The following PDIA5 variants were observed in gnomAD, a reference collection of about 807,000 sequenced individuals.
PDIA5 encodes protein disulfide-isomerase A5.
In PDIA5, 58 loss-of-function variants were observed where a neutral mutation model predicts 77.6. The observed-to-expected ratio is 0.75, with a 90% CI of 0.61 to 0.93. The LOEUF is 0.93. Among genes scored for constraint, PDIA5 ranks in the 40% least tolerant of loss-of-function variants. The probability of loss-of-function intolerance (pLI) is 0.00; values close to 1 mark genes in which losing one functional copy is unlikely to be tolerated. For synonymous variants in PDIA5, 250 were observed against 252.1 expected (o/e 0.99, Z 0.08); for missense variants, 630 against 647.7 (o/e 0.97, Z 0.30).
Position 123,161,994 on chromosome 3 carries a change from G to A in PDIA5, c.*34G>A. On this transcript the variant is annotated 3_prime_UTR_variant, in exon 17 of 17. Transcript: ENST00000316218. ...TCAGAAAAAGCTTTTCCATTACACT[G>A]TGAATGATACCTGTTTTGTTGTTTC... 8.4e-7 allele frequency: 1 copy of A among 1,191,428 alleles called. No individual in the cohort carries two copies. Among genetic ancestry groups the A allele is most frequent in the Non-Finnish European group, 1.2e-6 (1 of 803,036 alleles). The allele number at this position is 1,191,428 out of a possible 1,614,324, so 73.8% of individuals were successfully genotyped here.
At chr3:123,113,159 G>C (rs913934644) in intron 7 of PDIA5, among the ~76,000 whole-genome samples, 3 of 152,162 alleles carry the variant, frequency 2.0e-5, no homozygotes, top group Admixed American at 6.5e-5. Context: ...GCCTCCTTTG[G>C]TATATCTTAA....
chr3:123,090,642 T>G (rs1393107109), intron 2 of PDIA5, among the ~76,000 whole-genome samples: 1 of 152,138 alleles, frequency 6.6e-6, no homozygotes, highest in Admixed American at 6.5e-5. Flanking sequence ...AAGAGAGTAT[T>G]GATTCTGCAA....
intron 6 of PDIA5, among the ~76,000 whole-genome samples, chr3:123,110,681 G>A (rs923555222): frequency 2.0e-5 from 3 of 152,298 alleles, no homozygotes; most frequent in South Asian, 2.1e-4. Flanking sequence ...CCATTTGTTA[G>A]CTTGGGGCCT....
intron 2 of PDIA5, among the ~76,000 whole-genome samples, chr3:123,091,140 G>A (rs1003810114): frequency 2.6e-5 from 4 of 152,002 alleles, no homozygotes; most frequent in Admixed American, 6.6e-5. Flanking sequence ...TCAGTGGCTC[G>A]CCCTCCTCCT....
chr3:123,088,713 C>T (rs1934206942), intron 1 of PDIA5, among the ~76,000 whole-genome samples: 1 of 152,206 alleles, frequency 6.6e-6, no homozygotes, highest in African/African-American at 2.4e-5. Context: ...ATGGTATTTG[C>T]ATCTAACCTA....
Position 123,101,906 on chromosome 3 carries a change from C to CTTTTT in PDIA5, c.258-488_258-484dup, listed in dbSNP as rs71623603. 3.1e-4 allele frequency among the ~76,000 whole-genome samples: 22 copies of CTTTTT among 71,398 alleles called. 8 individuals are homozygous for CTTTTT. Among genetic ancestry groups the CTTTTT allele is most frequent in the East Asian group, 9.7e-4 (2 of 2,064 alleles). 46.8% of individuals were successfully genotyped at this position (71,398 alleles called of 152,430 possible). On this transcript the variant is annotated intron_variant, in intron 3 of 16. Coordinates refer to ENST00000316218, the MANE Select transcript of PDIA5 (RefSeq NM_006810.4). ...TCCCCTTCCTTTCCTTTCTTTCTTG[C>CTTTTT]TTTTTTTTTTTTTTTTTTTTTGAGA...
chr3:123,150,652 C>T (rs1358829413), intron 14 of PDIA5, among the ~76,000 whole-genome samples: 1 of 152,056 alleles, frequency 6.6e-6, no homozygotes, highest in Admixed American at 6.5e-5. Flanking sequence ...CCCTGGGCTC[C>T]TCCATGCCCC....
intron 10 of PDIA5, among the ~76,000 whole-genome samples, chr3:123,125,820 G>T (rs1386391567): frequency 2.6e-5 from 4 of 152,120 alleles, no homozygotes; most frequent in African/African-American, 9.7e-5. Context: ...GTCCCCATCG[G>T]CTACCTCATT....
chr3:123,131,378 C>G (rs1430959616), intron 11 of PDIA5, among the ~76,000 whole-genome samples: 4 of 151,764 alleles, frequency 2.6e-5, no homozygotes, highest in Non-Finnish European at 5.9e-5. Context: ...CAAGATTGTG[C>G]CACTGCACTC....
rs536105369 is a variant in PDIA5, at chr3:123,077,935, G to A, written c.42+10729G>A. 3.8e-3 allele frequency among the ~76,000 whole-genome samples: 571 copies of A among 151,196 alleles called. 2 individuals carry two copies. Among genetic ancestry groups the A allele is most frequent in the African/African-American group, 0.013 (520 of 41,104 alleles). On this transcript the variant is annotated intron_variant, in intron 1 of 16. Coordinates refer to ENST00000316218, the MANE Select transcript of PDIA5 (RefSeq NM_006810.4). ...AGTGATTCTTCTGTCTCAGCCTCCC[G>A]AGTAGCTGGGACTACAGGCACGTGC...
chr3:123,073,781 T>A (rs1461872467), intron 1 of PDIA5, among the ~76,000 whole-genome samples: 2 of 152,154 alleles, frequency 1.3e-5, no homozygotes, highest in Admixed American at 6.5e-5. Context: ...GGGTGGAGTG[T>A]CCATTCCCTG....
intron 6 of PDIA5, 95 bp downstream of exon 6, chr3:123,106,936 C>A: frequency 2.4e-6 from 2 of 822,516 alleles, no homozygotes; most frequent in South Asian, 1.5e-5. Context: ...AGAAATGGGA[C>A]TATTCCAGGA....
intron 15 of PDIA5, among the ~76,000 whole-genome samples, chr3:123,159,711 TC>T (rs1401449876): frequency 6.6e-6 from 1 of 152,188 alleles, no homozygotes; most frequent in Non-Finnish European, 1.5e-5. Context: ...GTTTGTAAAC[TC>T]CATTTTAAAA....
intron 3 of PDIA5, among the ~76,000 whole-genome samples, chr3:123,098,162 GA>G (rs555466206): frequency 1.2e-4 from 18 of 152,150 alleles, no homozygotes; most frequent in Non-Finnish European, 2.5e-4. Flanking sequence ...ACCCCGTAGA[GA>G]AATCAAGCTC....
In PDIA5 at chr3:123,160,060, C is replaced by A. The variant is rs551072004; in HGVS notation, c.1345-1261C>A. On this transcript the variant is annotated intron_variant, in intron 15 of 16. Coordinates refer to ENST00000316218, the MANE Select transcript of PDIA5 (RefSeq NM_006810.4). ...TTCATTGAGCTCTATCTAAAATGAT[C>A]TAATTTGTCATACAGCAGACGCTTG... Among the ~76,000 whole-genome samples, 33 of 152,350 alleles carry A rather than the reference C, an allele frequency of 2.2e-4. No homozygotes were observed. The East Asian group carries it at 4.2e-3, about 20-fold the overall frequency.
chr3:123,115,190 G>A (rs1467375041), intron 7 of PDIA5, among the ~76,000 whole-genome samples: 2 of 152,198 alleles, frequency 1.3e-5, no homozygotes, highest in East Asian at 1.9e-4. Context: ...TGCATCTTAA[G>A]CCCTGTTTTG....
At chr3:123,127,399 G>A (rs1316312100) in intron 10 of PDIA5, among the ~76,000 whole-genome samples, 3 of 152,196 alleles carry the variant, frequency 2.0e-5, no homozygotes, top group African/African-American at 7.2e-5. Flanking sequence ...TTATGATTTA[G>A]GTGATAAATG....
chr3:123,133,296 A>G (rs1250257511), intron 11 of PDIA5, among the ~76,000 whole-genome samples: 1 of 152,224 alleles, frequency 6.6e-6, no homozygotes, highest in African/African-American at 2.4e-5. Flanking sequence ...CTAAGTGCAG[A>G]AAGGGTGAAT....
rs534101913 is a variant in PDIA5 at position 123,067,100 on chromosome 3, AGGCG to A, written c.-54_-51del. 82 of 1,207,072 alleles carry A rather than the reference AGGCG, an allele frequency of 6.8e-5. No individual in the cohort carries two copies. In the South Asian group the frequency reaches 2.8e-3, roughly 42 times the overall value. 74.8% of individuals were successfully genotyped at this position (1,207,072 alleles called of 1,614,324 possible). A position where few individuals can be genotyped will look rare whatever the true frequency, so the allele number is the denominator to read the frequency against. On this transcript the variant is annotated 5_prime_UTR_variant, in exon 1 of 17. Coordinates refer to ENST00000316218, the MANE Select transcript of PDIA5 (RefSeq NM_006810.4). ...GGTGGTTGGCCGCGGTGGAGCTAGC[AGGCG>A]GGCGGGCGGGAGCGGGCGCCGGAGT...
Sources: allele counts gnomAD v4.1 joint callset (sites outside exome capture counted in the v4.1 genomes callset), GRCh38; gene constraint gnomAD v4.1.1; transcripts MANE v1.5; gene names NCBI Gene and HGNC (gene_info 2026-07-23, HGNC 2026-07-21).